The following SIPA1L1 variants were observed in gnomAD, a reference collection of about 807,000 sequenced individuals.
The protein encoded by SIPA1L1 is signal induced proliferation associated 1 like 1.
Under a neutral mutation model 162.7 loss-of-function variants are expected in SIPA1L1, and 26 were observed. The ratio of observed to expected loss-of-function variants is 0.16; its 90% CI spans 0.12 to 0.22. The LOEUF is 0.22. Among genes scored for constraint, SIPA1L1 ranks in the 10% least tolerant of loss-of-function variants. The probability of loss-of-function intolerance (pLI) is 1.00; values close to 1 mark genes in which losing one functional copy is unlikely to be tolerated. For missense variants in SIPA1L1, 1,874 were observed against 2,241.0 expected (o/e 0.84, Z 3.31); for synonymous variants, 829 against 837.4 (o/e 0.99, Z 0.17).
chr14:71,546,074 C>A (rs1567185210), intron 4 of SIPA1L1, among the ~76,000 whole-genome samples: 1 of 151,990 alleles, frequency 6.6e-6, no homozygotes, highest in Admixed American at 6.6e-5. Context: ...CAGAGCGAGA[C>A]CCTGTCTCAG....
At chr14:71,354,475 C>T (rs1286325753) in intron 2 of SIPA1L1, among the ~76,000 whole-genome samples, 1 of 151,912 alleles carries the variant, frequency 6.6e-6, no homozygotes, top group Admixed American at 6.6e-5. Context: ...GGGGGTTTCA[C>T]CATGTTGGCC....
chr14:71,587,713 T>A lies in SIPA1L1; in HGVS notation c.-160T>A. 1.4e-6 allele frequency: 1 copy of A among 715,026 alleles called. No homozygotes were observed. The highest frequency in any genetic ancestry group is 2.3e-6 in the Non-Finnish European group (1 of 438,422). The allele number at this position is 715,026 out of a possible 1,614,324, so 44.3% of individuals were successfully genotyped here. ...TTAGAAGTTCCAATTTTTCAGTGCT[T>A]TACAAATAAAGCATCATTTAACCTT... On this transcript the variant is annotated 5_prime_UTR_variant, in exon 5 of 24. Coordinates refer to ENST00000381232, the MANE Select transcript of SIPA1L1 (RefSeq NM_001386936.1).
At chr14:71,366,491 C>T (rs1398975860) in intron 2 of SIPA1L1, among the ~76,000 whole-genome samples, 1 of 152,106 alleles carries the variant, frequency 6.6e-6, no homozygotes, top group Non-Finnish European at 1.5e-5. Flanking sequence ...GGCTGGAGTG[C>T]AGTGGCGTGA....
chr14:71,320,587 C>G (rs546432664), intron 1 of SIPA1L1, 84 bp downstream of exon 1: 5 of 152,796 alleles, frequency 3.3e-5, no homozygotes, highest in African/African-American at 4.8e-5. Context: ...GCAGCCACTC[C>G]ATTCCCTCCC....
chr14:71,623,946 A>G (rs2039709937), intron 6 of SIPA1L1, 102 bp from the exon 7 acceptor site: 2 of 908,636 alleles, frequency 2.2e-6, no homozygotes, highest in Non-Finnish European at 3.3e-6. Flanking sequence ...ATCATTCCCT[A>G]GCTCTGTGAG....
intron 2 of SIPA1L1, among the ~76,000 whole-genome samples, chr14:71,494,993 A>T (rs2049620547): frequency 6.6e-6 from 1 of 152,140 alleles, no homozygotes; most frequent in Non-Finnish European, 1.5e-5. Context: ...GGCCTCCTAG[A>T]AGTGCTGGAA....
At chr14:71,558,833 G>A (rs1025983545) in intron 4 of SIPA1L1, among the ~76,000 whole-genome samples, 2 of 152,038 alleles carry the variant, frequency 1.3e-5, no homozygotes, top group African/African-American at 2.4e-5. Context: ...ACAGGTGCAC[G>A]CCGCTACACT....
rs78375992 is a variant in SIPA1L1 at position 71,702,435 on chromosome 14, A to G, written c.3576A>G (p.Ser1192=). ...CCATTGACAGGCAGAACACCCAGTC[A>G]GATATTGGTGGCAGCGGAAAATCCA... ...PASIDRQNTQ[S]DIGGSGKSTP... is the part of the protein sequence containing the mutation. Residue 1192 remains serine, a synonymous_variant, in exon 15 of 24, where the codon TCA becomes TCG. Transcript: ENST00000381232. The G allele has an allele frequency of 2.6e-3, 4,196 of 1,614,194 alleles. 18 individuals carry two copies. Among genetic ancestry groups the G allele is most frequent in the South Asian group, 2.9e-3 (266 of 91,086 alleles).
At chr14:71,335,866 C>T (rs2035040825) in intron 2 of SIPA1L1, among the ~76,000 whole-genome samples, 2 of 152,172 alleles carry the variant, frequency 1.3e-5, no homozygotes, top group South Asian at 2.1e-4. Context: ...CATAGGTACC[C>T]AGTATATTAC....
chr14:71,523,472 T>C (rs565421263), intron 3 of SIPA1L1, among the ~76,000 whole-genome samples: 1 of 152,326 alleles, frequency 6.6e-6, no homozygotes, highest in East Asian at 1.9e-4. Flanking sequence ...TACATAACTA[T>C]AGTAAAATTA....
At chr14:71,402,729 T>C (rs2041764718) in intron 2 of SIPA1L1, among the ~76,000 whole-genome samples, 1 of 152,178 alleles carries the variant, frequency 6.6e-6, no homozygotes, top group South Asian at 2.1e-4. Flanking sequence ...GATTGTTGTA[T>C]TGGTTATGTG....
At chr14:71,488,229 T>C (rs927546638) in intron 2 of SIPA1L1, among the ~76,000 whole-genome samples, 1 of 152,232 alleles carries the variant, frequency 6.6e-6, no homozygotes, top group African/African-American at 2.4e-5. Flanking sequence ...TGGGCACATC[T>C]GCTATATTCA....
chr14:71,624,873 AT>A (rs1364463203), intron 7 of SIPA1L1, among the ~76,000 whole-genome samples: 7 of 152,182 alleles, frequency 4.6e-5, no homozygotes, highest in Non-Finnish European at 1.0e-4. Flanking sequence ...TCTAGCCAAG[AT>A]TTTTAAATAT....
At chr14:71,670,260 G>T (rs2044387495) in intron 10 of SIPA1L1, among the ~76,000 whole-genome samples, 1 of 151,826 alleles carries the variant, frequency 6.6e-6, no homozygotes, top group Non-Finnish European at 1.5e-5. Flanking sequence ...TTCCTTTTGA[G>T]GTTAAAAATA....
In SIPA1L1 at chr14:71,492,078, T is replaced by A. The variant is rs532564792; in HGVS notation, c.-464-20665T>A. Among the ~76,000 whole-genome samples the A allele has an allele frequency of 5.9e-5, 9 of 152,260 alleles. No homozygotes were observed. In the East Asian group the frequency reaches 1.4e-3, roughly 23 times the overall value. ...TAGCTAGCATTGGCCGAGATGCCTG[T>A]CCTTGACAACAAGGTCTTTGTTTGG... is the stretch of plus-strand genomic sequence containing the variant. On this transcript the variant is annotated intron_variant, in intron 2 of 23. Coordinates refer to ENST00000381232, the MANE Select transcript of SIPA1L1 (RefSeq NM_001386936.1).
At chr14:71,412,691 A>G (rs2042493350) in intron 2 of SIPA1L1, among the ~76,000 whole-genome samples, 1 of 152,190 alleles carries the variant, frequency 6.6e-6, no homozygotes, top group African/African-American at 2.4e-5. Flanking sequence ...CTGTGAGTGA[A>G]ACTACTAAGT....
intron 10 of SIPA1L1, among the ~76,000 whole-genome samples, chr14:71,664,296 T>C (rs1046543760): frequency 6.6e-6 from 1 of 152,136 alleles, no homozygotes; most frequent in Non-Finnish European, 1.5e-5. Context: ...TTAGGGGTGG[T>C]TTGGTGGAAA....
intron 2 of SIPA1L1, among the ~76,000 whole-genome samples, chr14:71,475,195 G>A (rs1246326328): frequency 1.3e-5 from 2 of 152,160 alleles, no homozygotes; most frequent in African/African-American, 2.4e-5. Context: ...AGAAGTACCA[G>A]TCTTTAAAGA....
At chr14:71,607,752 C>T (rs1391330974) in intron 5 of SIPA1L1, among the ~76,000 whole-genome samples, 3 of 152,168 alleles carry the variant, frequency 2.0e-5, no homozygotes, top group Non-Finnish European at 4.4e-5. Context: ...AAGTGCCCAG[C>T]ATGCAAAAGC....
Sources: gnomAD v4.1 joint callset for allele counts (sites outside exome capture counted in the v4.1 genomes callset) on GRCh38, gnomAD v4.1.1 for gene constraint, MANE v1.5 for transcripts, NCBI Gene and HGNC (gene_info 2026-07-23, HGNC 2026-07-21) for gene names.